Variants in ACOT1 observed in about 807,000 individuals in gnomAD.
The protein encoded by ACOT1 is acyl-coenzyme A thioesterase 1.
Under a neutral mutation model 15.7 loss-of-function variants are expected in ACOT1, and 8 were observed. The ratio of observed to expected loss-of-function variants is 0.51; its 90% CI spans 0.30 to 0.92. The LOEUF (loss-of-function observed/expected upper bound fraction) is 0.92, where lower values mean the gene tolerates loss of function less well. Ranked by LOEUF, ACOT1 falls within the 40% of genes least tolerant of loss-of-function variation. The probability of loss-of-function intolerance (pLI) is 0.06; values close to 1 mark genes in which losing one functional copy is unlikely to be tolerated. For synonymous variants in ACOT1, 67 were observed against 241.2 expected, an observed-to-expected ratio of 0.28 and a Z score of 6.69; for missense variants, 151 against 539.4, an observed-to-expected ratio of 0.28 and a Z score of 7.13.
At chr14:73,535,469 C>T (rs983179476), upstream of ACOT1, among the ~76,000 whole-genome samples, 44 of 16,496 alleles carry the variant, frequency 2.7e-3, 2 homozygotes, top group Non-Finnish European at 8.6e-3. Flanking sequence ...TTTCTTCTTT[C>T]TTTTTTTTTT....
At chr14:73,540,140 T>C (rs917527547) in intron 1 of ACOT1, among the ~76,000 whole-genome samples, 3 of 118,128 alleles carry the variant, frequency 2.5e-5, no homozygotes, top group Non-Finnish European at 5.6e-5. Flanking sequence ...TGAAACTCAC[T>C]GCTAGAAGGA....
At chr14:73,521,197 A>G in the ACOT1 span, among the ~76,000 whole-genome samples, 1 of 152,052 alleles carries the variant, frequency 6.6e-6, no homozygotes, top group Non-Finnish European at 1.5e-5. Flanking sequence ...CCTTGTCCCC[A>G]TGGTGCCAGT....
At chr14:73,530,794 A>AT in the ACOT1 span, among the ~76,000 whole-genome samples, 4,361 of 57,798 alleles carry the variant, frequency 0.075, 615 homozygotes, top group African/African-American at 0.17. Flanking sequence ...TCTCGGTTAA[A>AT]TTTTTTTTTT....
At chr14:73,506,131 C>A in the ACOT1 span, among the ~76,000 whole-genome samples, 18 of 152,080 alleles carry the variant, frequency 1.2e-4, no homozygotes, top group African/African-American at 4.3e-4. Context: ...CCTCGTGATC[C>A]GCCTGCCTTG....
At chr14:73,512,036 G>A in the ACOT1 span, 2 of 1,614,004 alleles carry the variant, frequency 1.2e-6, no homozygotes, top group Non-Finnish European at 1.7e-6. Flanking sequence ...GCAATCCGGG[G>A]CCGTTCCAAA....
the ACOT1 span, among the ~76,000 whole-genome samples, chr14:73,494,189 T>G: frequency 6.6e-6 from 1 of 152,198 alleles, no homozygotes; most frequent in Non-Finnish European, 1.5e-5. Context: ...AAGTGAATAT[T>G]CTCATGGTTG....
upstream of ACOT1, among the ~76,000 whole-genome samples, chr14:73,534,083 A>G (rs1016149131): frequency 4.6e-5 from 5 of 109,672 alleles, 2 homozygotes; most frequent in African/African-American, 1.2e-4. Flanking sequence ...CCTAGTCTCT[A>G]AAAAATAAGA....
At chr14:73,518,918 T>C in the ACOT1 span, 1 of 1,133,206 alleles carries the variant, frequency 8.8e-7, no homozygotes, top group Non-Finnish European at 1.3e-6. Context: ...TAATGGTGCT[T>C]CAGCCCATGA....
At chr14:73,509,037 T>G in the ACOT1 span, among the ~76,000 whole-genome samples, 2 of 152,048 alleles carry the variant, frequency 1.3e-5, no homozygotes, top group African/African-American at 2.4e-5. Context: ...TGGCTAATTT[T>G]AAAATTTTTT....
the ACOT1 span, among the ~76,000 whole-genome samples, chr14:73,504,962 C>T: frequency 2.0e-5 from 3 of 151,936 alleles, no homozygotes; most frequent in African/African-American, 4.8e-5. Context: ...GATGGAGTCT[C>T]GCTCTGTCGC....
chr14:73,510,724 C>T, the ACOT1 span, among the ~76,000 whole-genome samples: 4 of 152,204 alleles, frequency 2.6e-5, no homozygotes, highest in Non-Finnish European at 4.4e-5. Flanking sequence ...GTGTGAGCCA[C>T]CACACCTGGC....
At chr14:73,525,370 T>C in the ACOT1 span, among the ~76,000 whole-genome samples, 2 of 152,132 alleles carry the variant, frequency 1.3e-5, no homozygotes, top group Non-Finnish European at 2.9e-5. Flanking sequence ...TAGGCCAGAA[T>C]CAATAACCTC....
chr14:73,529,274 G>C, the ACOT1 span: 1 of 144,624 alleles, frequency 6.9e-6, no homozygotes, highest in Non-Finnish European at 1.5e-5. Flanking sequence ...AGAATTGCTT[G>C]AACCCAGGAG....
the ACOT1 span, chr14:73,491,439 G>A: frequency 3.6e-6 from 5 of 1,376,260 alleles, no homozygotes; most frequent in Non-Finnish European, 4.6e-6. Flanking sequence ...GCGCCGGTCC[G>A]GGTGGTGGAG....
At chr14:73,494,233 T>G in the ACOT1 span, among the ~76,000 whole-genome samples, 1 of 152,212 alleles carries the variant, frequency 6.6e-6, no homozygotes, top group Non-Finnish European at 1.5e-5. Flanking sequence ...GAAAGAGCAC[T>G]GGACTTGGAA....
chr14:73,508,622 GC>G, the ACOT1 span, among the ~76,000 whole-genome samples: 1 of 151,892 alleles, frequency 6.6e-6, no homozygotes, highest in African/African-American at 2.4e-5. Context: ...GGTGGCATGC[GC>G]CTGTAATCCC....
chr14:73,493,870 T>C, the ACOT1 span, among the ~76,000 whole-genome samples: 1 of 152,188 alleles, frequency 6.6e-6, no homozygotes, highest in Admixed American at 6.5e-5. Flanking sequence ...AAGAATCTTA[T>C]CTGATTGGGA....
chr14:73,541,857 C>T lies in ACOT1; in HGVS notation c.660+162C>T, dbSNP rs1425857148. ...ATAGACAGTTTCTTTCTTTCTTCTT[C>T]TTCTTCTTTCTTTTTTTGAGATGGA... On this transcript the variant is annotated intron_variant, in intron 2 of 2. Transcript: ENST00000311148. Among the ~76,000 whole-genome samples the T allele has an allele frequency of 1.8e-5, 2 of 114,128 alleles. 1 individual carries two copies. Among genetic ancestry groups the T allele is most frequent in the Non-Finnish European group, 3.8e-5 (2 of 53,078 alleles). 74.9% of individuals were successfully genotyped at this position (114,128 alleles called of 152,430 possible). A position where few individuals can be genotyped will look rare whatever the true frequency, so the allele number is the denominator to read the frequency against.
the ACOT1 span, chr14:73,518,936 G>T: frequency 7.4e-7 from 1 of 1,345,050 alleles, no homozygotes; most frequent in Non-Finnish European, 1.0e-6. Context: ...TGAACTGGGA[G>T]CTCTAGCACA....
Sources: gnomAD v4.1 joint callset for allele counts (sites outside exome capture counted in the v4.1 genomes callset) on GRCh38, gnomAD v4.1.1 for gene constraint, MANE v1.5 for transcripts, NCBI Gene and HGNC (gene_info 2026-07-23, HGNC 2026-07-21) for gene names.